Variants in RXRA observed in about 807,000 individuals in gnomAD.
The protein encoded by RXRA is retinoic acid receptor RXR-alpha.
Under a neutral mutation model 44.5 loss-of-function variants are expected in RXRA, and 5 were observed. The observed-to-expected ratio is 0.11, with a 90% CI of 0.06 to 0.24. The LOEUF (loss-of-function observed/expected upper bound fraction) is 0.24. Among genes scored for constraint, RXRA ranks in the 10% least tolerant of loss-of-function variants. RXRA has a pLI of 1.00. For synonymous variants in RXRA, 291 were observed against 271.4 expected (o/e 1.07, Z -0.71); for missense variants, 412 against 646.5 (o/e 0.64, Z 3.93).
intron 1 of RXRA, among the ~76,000 whole-genome samples, chr9:134,354,067 C>T (rs113996503): frequency 2.0e-5 from 3 of 152,162 alleles, no homozygotes; most frequent in Non-Finnish European, 2.9e-5. Flanking sequence ...CATAAAATAA[C>T]ACTTAGGTCC....
intron 1 of RXRA, chr9:134,379,772 C>T (rs1043196932): frequency 1.0e-4 from 103 of 985,198 alleles, no homozygotes; most frequent in Non-Finnish European, 1.2e-4. Context: ...CTGTAGGGAC[C>T]TGGGCCCAGC....
intron 1 of RXRA, among the ~76,000 whole-genome samples, chr9:134,386,431 G>T (rs773965795): frequency 4.5e-4 from 68 of 152,372 alleles, no homozygotes; most frequent in Non-Finnish European, 6.9e-4. Context: ...TGGCCTGGGT[G>T]GGTGCCTGTG....
chr9:134,429,072 TG>T (rs770263679), intron 6 of RXRA, 35 bp from the exon 7 acceptor site: 3 of 1,611,330 alleles, frequency 1.9e-6, no homozygotes, highest in Non-Finnish European at 2.5e-6. Flanking sequence ...CCGTGGGGCC[TG>T]GAGACAGCTG....
chr9:134,373,230 A>ACC, intron 1 of RXRA, among the ~76,000 whole-genome samples: 1 of 152,210 alleles, frequency 6.6e-6, no homozygotes, highest in East Asian at 1.9e-4. Context: ...CTCGGGTCCC[A>ACC]GAGACCAGCC....
At chr9:134,346,492 A>G (rs986369388) in intron 1 of RXRA, among the ~76,000 whole-genome samples, 11 of 152,058 alleles carry the variant, frequency 7.2e-5, no homozygotes, top group Non-Finnish European at 1.5e-4. Flanking sequence ...AGCACTCACC[A>G]GGTCCTGCCA....
chr9:134,419,541 A>G (rs1423642305), intron 5 of RXRA, among the ~76,000 whole-genome samples: 3 of 152,106 alleles, frequency 2.0e-5, no homozygotes, highest in Admixed American at 2.0e-4. Flanking sequence ...CTTCTCTCAG[A>G]TGGGCAAACT....
chr9:134,417,062 T>G lies in RXRA; in HGVS notation c.611-96T>G, dbSNP rs1831246010. 1 of 1,343,724 alleles carries G rather than the reference T, an allele frequency of 7.4e-7. No homozygotes were observed. The highest frequency in any genetic ancestry group is 2.1e-5 in the Admixed American group (1 of 47,326). The allele number at this position is 1,343,724 out of a possible 1,614,324, so 83.2% of individuals were successfully genotyped here. On this transcript the variant is annotated intron_variant, in intron 4 of 9. Coordinates refer to ENST00000481739, the MANE Select transcript of RXRA (RefSeq NM_002957.6). This position sits in a 1 kb window ranked among gnomAD's most constrained non-coding sequence, Gnocchi z 6.1. The stretch of plus-strand genomic sequence containing the variant: ...TGGGGATGCTGGTGTTGTGGGTGAG[T>G]TGGCTGGGAGCTGGCACCACCCGGC...
rs937751160 is a variant in RXRA, at chr9:134,407,584, G to A, written c.280-565G>A. Among the ~76,000 whole-genome samples the A allele has an allele frequency of 7.2e-5, 11 of 152,162 alleles. No individual in the cohort carries two copies. Among genetic ancestry groups the A allele is most frequent in the African/African-American group, 2.4e-4 (10 of 41,440 alleles). ...AGAGGCCAGTGGTGTCGTGCCACCC[G>A]ATGCCCGGGGGTGTCCACTCCCCTC... On this transcript the variant is annotated intron_variant, in intron 2 of 9. Coordinates refer to ENST00000481739, the MANE Select transcript of RXRA (RefSeq NM_002957.6). This position sits in a 1 kb window ranked among gnomAD's most constrained non-coding sequence, Gnocchi z 4.8.
At chr9:134,415,909 A>C (rs1195265872) in intron 4 of RXRA, among the ~76,000 whole-genome samples, 1 of 152,160 alleles carries the variant, frequency 6.6e-6, no homozygotes, top group African/African-American at 2.4e-5. Context: ...CGGTTTACTC[A>C]CTTAGACCAG....
chr9:134,410,591 C>T (rs1831131728), intron 4 of RXRA, among the ~76,000 whole-genome samples: 1 of 152,148 alleles, frequency 6.6e-6, no homozygotes, highest in African/African-American at 2.4e-5. Flanking sequence ...CAGCCTTGTC[C>T]CTGGAAGATG....
intron 1 of RXRA, among the ~76,000 whole-genome samples, chr9:134,379,085 C>T (rs887243059): frequency 6.6e-6 from 1 of 152,200 alleles, no homozygotes; most frequent in African/African-American, 2.4e-5. Flanking sequence ...AGCTGAGCTC[C>T]TGGGATGCAG....
At chr9:134,371,494 G>A (rs1266448001) in intron 1 of RXRA, among the ~76,000 whole-genome samples, 6 of 152,240 alleles carry the variant, frequency 3.9e-5, no homozygotes. Context: ...TGCTGATGGG[G>A]GCCAGACTTC....
chr9:134,401,514 CTTGAGG>C, intron 1 of RXRA, 112 bp from the exon 2 acceptor site: 1 of 1,539,532 alleles, frequency 6.5e-7, no homozygotes, highest in Non-Finnish European at 8.8e-7. Flanking sequence ...ACGGGGCCAC[CTTGAGG>C]GTGCCGGGGT....
intron 1 of RXRA, among the ~76,000 whole-genome samples, chr9:134,334,737 G>T (rs1466238505): frequency 1.3e-5 from 2 of 152,206 alleles, no homozygotes; most frequent in African/African-American, 4.8e-5. Context: ...ATTGGTCAGG[G>T]TGGCACCCTG....
intron 1 of RXRA, among the ~76,000 whole-genome samples, chr9:134,375,641 G>T (rs1489299934): frequency 6.6e-6 from 1 of 152,326 alleles, no homozygotes; most frequent in East Asian, 1.9e-4. Context: ...CCAGCGGGCA[G>T]CCTGGGGTGG....
intron 1 of RXRA, among the ~76,000 whole-genome samples, chr9:134,329,369 C>G (rs544150798): frequency 1.3e-5 from 2 of 152,240 alleles, no homozygotes; most frequent in Non-Finnish European, 2.9e-5. Context: ...CGCTGCCCGA[C>G]GGCAGGGTGT....
intron 1 of RXRA, among the ~76,000 whole-genome samples, chr9:134,373,349 G>C (rs1466715749): frequency 1.3e-5 from 2 of 152,046 alleles, no homozygotes; most frequent in Non-Finnish European, 2.9e-5. Flanking sequence ...GTCCACGCCC[G>C]ACTGTCTTTA....
chr9:134,367,335 A>G (rs1467426388), intron 1 of RXRA, among the ~76,000 whole-genome samples: 2 of 151,352 alleles, frequency 1.3e-5, no homozygotes, highest in Non-Finnish European at 2.9e-5. Context: ...GGTGGGGGGG[A>G]GGGTGGTGAC....
intron 1 of RXRA, among the ~76,000 whole-genome samples, chr9:134,338,955 G>A (rs575564246): frequency 6.6e-6 from 1 of 152,332 alleles, no homozygotes; most frequent in South Asian, 2.1e-4. Flanking sequence ...TGAGAACAAG[G>A]AGCCGATTGT....
Sources: allele counts gnomAD v4.1 joint callset (sites outside exome capture counted in the v4.1 genomes callset), GRCh38; gene constraint gnomAD v4.1.1; non-coding constraint Gnocchi (gnomAD v3.1); transcripts MANE v1.5; gene names NCBI Gene and HGNC (gene_info 2026-07-23, HGNC 2026-07-21).